Variants in MKNK2 observed in about 807,000 individuals in gnomAD.
MKNK2 encodes the protein MAP kinase-interacting serine/threonine-protein kinase 2.
A neutral mutation model predicts 55.0 loss-of-function variants in MKNK2; 54 were observed. That is an observed-to-expected ratio of 0.98 (90% CI 0.79 to 1.23). The LOEUF (loss-of-function observed/expected upper bound fraction) is 1.23, where lower values mean the gene tolerates loss of function less well. Ranked by LOEUF, MKNK2 falls within the 50% of genes most tolerant of loss-of-function variation. The pLI, the probability that MKNK2 is intolerant of heterozygous loss-of-function variation, is 0.00. For missense variants in MKNK2, 685 were observed against 632.1 expected, an observed-to-expected ratio of 1.08 and a Z score of -0.90; for synonymous variants, 323 against 256.0, an observed-to-expected ratio of 1.26 and a Z score of -2.50.
intron 2 of MKNK2, among the ~76,000 whole-genome samples, chr19:2,048,731 G>C (rs1246419709): frequency 6.6e-6 from 1 of 152,072 alleles, no homozygotes; most frequent in Non-Finnish European, 1.5e-5. Context: ...CTGCCCTCCT[G>C]CCTCCCCACC....
chr19:2,046,711 A>C lies in MKNK2; in HGVS notation c.52-20T>G. 6.7e-7 allele frequency: 1 copy of C among 1,494,618 alleles called. No individual in the cohort carries two copies. Among genetic ancestry groups the C allele is most frequent in the Non-Finnish European group, 8.9e-7 (1 of 1,121,852 alleles). 92.6% of individuals were successfully genotyped at this position (1,494,618 alleles called of 1,614,324 possible). ...CTGCCCCTGCAGGGGAGAGGAGAGG[A>C]GAGGCACTCAGGCCCCATCCCTGCC... is the stretch of plus-strand genomic sequence containing the variant. On this transcript the variant is annotated intron_variant, in intron 2 of 13. Coordinates refer to ENST00000250896, the MANE Select transcript of MKNK2 (RefSeq NM_199054.3).
chr19:2,048,747 T>C (rs534545877), intron 2 of MKNK2, among the ~76,000 whole-genome samples: 59 of 151,168 alleles, frequency 3.9e-4, no homozygotes, highest in African/African-American at 1.4e-3. Flanking sequence ...CCACCCACCC[T>C]GGCTCGGGCA....
At chr19:2,046,556 G>A in intron 3 of MKNK2, 48 bp downstream of exon 3, 1 of 1,550,320 alleles carries the variant, frequency 6.5e-7, no homozygotes, top group Non-Finnish European at 8.7e-7. Context: ...CACTGCCATG[G>A]CAGCGACAGC....
intron 11 of MKNK2, among the ~76,000 whole-genome samples, chr19:2,041,618 G>A (rs1325986816): frequency 5.3e-5 from 8 of 152,134 alleles, no homozygotes; most frequent in Admixed American, 4.6e-4. Flanking sequence ...CAGGGAGTAG[G>A]GCACACCGGG....
chr19:2,040,487 C>T (rs1190073323), intron 12 of MKNK2: 12 of 414,920 alleles, frequency 2.9e-5, no homozygotes, highest in East Asian at 3.8e-5. Context: ...AACCCACCTC[C>T]GCCCCCCTCT....
At chr19:2,040,819 T>C (rs1178903839) in intron 12 of MKNK2, 1 of 575,272 alleles carries the variant, frequency 1.7e-6, no homozygotes, top group Non-Finnish European at 3.1e-6. Flanking sequence ...GTTCTCTGAG[T>C]AGCTGCTCCT....
At chr19:2,043,316 C>T in intron 6 of MKNK2, 119 bp from the exon 7 acceptor site, 1 of 1,035,256 alleles carries the variant, frequency 9.7e-7, no homozygotes, top group Non-Finnish European at 1.5e-6. Flanking sequence ...GAAGCTGGGA[C>T]TGGGGCAATA....
At chr19:2,040,980 T>G in intron 12 of MKNK2, 60 bp downstream of exon 12, 1 of 1,558,072 alleles carries the variant, frequency 6.4e-7, no homozygotes, top group Non-Finnish European at 8.8e-7. Context: ...CCATGCTCGC[T>G]CTGAGGCCAC....
rs1037976817 is a variant in MKNK2, at chr19:2,042,335, C to G, written c.750+92G>C. 8.5e-6 allele frequency: 10 copies of G among 1,173,166 alleles called. No individual in the cohort carries two copies. The African/African-American group carries it at 1.5e-4, about 18-fold the overall frequency. The allele number at this position is 1,173,166 out of a possible 1,614,324, so 72.7% of individuals were successfully genotyped here. A position where few individuals can be genotyped will look rare whatever the true frequency, so the allele number is the denominator to read the frequency against. On this transcript the variant is annotated intron_variant, in intron 10 of 13. Transcript: ENST00000250896. ...TTGCTAGGCGGAAGCCCGAGCTCCG[C>G]GGCCTGGAGCTGCTGGATGGCCCAG...
At position 2,043,496 on chromosome 19, in the gene MKNK2, C is replaced by G. The variant is rs752823408; in HGVS notation, c.419+7G>C. ...GGCCAGTGCGGTGGCAAGGGTGGCT[C>G]ACCTACCTGTGTCCCTGGCACTGGT... On this transcript the variant is annotated splice_region_variant and intron_variant, in intron 6 of 13. Transcript: ENST00000250896. The G allele has an allele frequency of 4.3e-6, 7 of 1,613,496 alleles. No homozygotes were observed. Among genetic ancestry groups the G allele is most frequent in the Non-Finnish European group, 5.9e-6 (7 of 1,179,512 alleles).
Position 2,038,081 on chromosome 19 carries a change from G to A in MKNK2, c.*1532C>T. On this transcript the variant is annotated 3_prime_UTR_variant, in exon 14 of 14. Transcript: ENST00000250896. The stretch of plus-strand genomic sequence containing the variant: ...GGCAGTCCACAGATATGGGCAGTGG[G>A]GACCAGGGAAGGCAGAGCACCCCCA... 1 of 1,160,194 alleles carries A rather than the reference G, an allele frequency of 8.6e-7. No individual in the cohort carries two copies. Among genetic ancestry groups the A allele is most frequent in the Non-Finnish European group, 1.1e-6 (1 of 936,812 alleles). 71.9% of individuals were successfully genotyped at this position (1,160,194 alleles called of 1,614,324 possible).
At position 2,042,840 on chromosome 19, in the gene MKNK2, C is replaced by G; in HGVS notation, c.524G>C (p.Arg175Pro). 1 of 1,573,270 alleles carries G rather than the reference C, an allele frequency of 6.4e-7. No homozygotes were observed. The highest frequency in any genetic ancestry group is 8.6e-7 in the Non-Finnish European group (1 of 1,159,348). ...GCTGGCCTCCAGCTCGTTGAAGTGC[C>G]GGCGCTTGTGGATGTGGCTCAGGAT... is the stretch of plus-strand genomic sequence containing the variant. ...GSILSHIHKRRHFNELEASVV... is the reference protein window; with the variant it reads ...GSILSHIHKRPHFNELEASVV... Residue 175 changes from arginine to proline, a missense_variant, in exon 8 of 14, where the codon CGG becomes CCG. Transcript: ENST00000250896.
intron 2 of MKNK2, 30 bp from the exon 3 acceptor site, chr19:2,046,721 A>G (rs2017009430): frequency 6.8e-7 from 1 of 1,477,002 alleles, no homozygotes; most frequent in Non-Finnish European, 9.0e-7. Flanking sequence ...AGAGGCACTC[A>G]GGCCCCATCC....
intron 2 of MKNK2, 57 bp downstream of exon 2, chr19:2,050,744 C>T: frequency 6.7e-7 from 1 of 1,491,382 alleles, no homozygotes. Context: ...GCGCCCCCCA[C>T]GCCGGCCATT....
rs1345152621 is a variant in MKNK2, at chr19:2,038,026, G to A, written c.*1587C>T. Reference sequence around the variant, plus strand: ...GATGGGGGAAAGGGGTGGGCGGAATGCCCCACCCCCCCCAGGGGTCTTTGG... The same window carrying A: ...GATGGGGGAAAGGGGTGGGCGGAATACCCCACCCCCCCCAGGGGTCTTTGG... On this transcript the variant is annotated 3_prime_UTR_variant, in exon 14 of 14. Transcript: ENST00000250896. 8.3e-6 allele frequency: 11 copies of A among 1,320,128 alleles called. No individual in the cohort carries two copies. Among genetic ancestry groups the A allele is most frequent in the Middle Eastern group, 3.0e-4 (1 of 3,350 alleles). 81.8% of individuals were successfully genotyped at this position (1,320,128 alleles called of 1,614,324 possible). A position where few individuals can be genotyped will look rare whatever the true frequency, so the allele number is the denominator to read the frequency against.
chr19:2,045,648 C>T (rs2016980906), intron 5 of MKNK2, among the ~76,000 whole-genome samples: 1 of 152,206 alleles, frequency 6.6e-6, no homozygotes, highest in Non-Finnish European at 1.5e-5. Context: ...TCCTGGGACC[C>T]CACCCAGCCC....
At chr19:2,045,267 C>T (rs960364611) in intron 5 of MKNK2, among the ~76,000 whole-genome samples, 3 of 152,156 alleles carry the variant, frequency 2.0e-5, no homozygotes, top group Non-Finnish European at 1.5e-5. Flanking sequence ...GCTACCTAAC[C>T]CCCTGAGCCT....
chr19:2,038,102 C>A lies in MKNK2; in HGVS notation c.*1511G>T. 8.9e-7 allele frequency: 1 copy of A among 1,122,856 alleles called. No homozygotes were observed. Among genetic ancestry groups the A allele is most frequent in the Non-Finnish European group, 1.1e-6 (1 of 915,868 alleles). The allele number at this position is 1,122,856 out of a possible 1,614,324, so 69.6% of individuals were successfully genotyped here. On this transcript the variant is annotated 3_prime_UTR_variant, in exon 14 of 14. Transcript: ENST00000250896. ...GTGGGGACCAGGGAAGGCAGAGCACCCCCACGGCCACCGGACTGTGACCAT... is the reference window on the plus strand; with the variant it reads ...GTGGGGACCAGGGAAGGCAGAGCACACCCACGGCCACCGGACTGTGACCAT...
At chr19:2,040,733 T>G (rs918595191) in intron 12 of MKNK2, 3 of 424,482 alleles carry the variant, frequency 7.1e-6, no homozygotes, top group East Asian at 4.4e-5. Flanking sequence ...TAGGCTGGGG[T>G]CTATGTGAGC....
Sources: allele counts gnomAD v4.1 joint callset (sites outside exome capture counted in the v4.1 genomes callset), GRCh38; gene constraint gnomAD v4.1.1; transcripts MANE v1.5; gene names NCBI Gene and HGNC (gene_info 2026-07-23, HGNC 2026-07-21).